Variants in SSC5D observed in about 807,000 individuals in gnomAD.
The protein encoded by SSC5D is scavenger receptor cysteine rich family member with 5 domains, also known as soluble scavenger receptor cysteine-rich domain-containing protein SSC5D.
SSC5D carries 106 observed loss-of-function variants against 104.6 expected under a neutral mutation model. The ratio of observed to expected loss-of-function variants is 1.01; its 90% confidence interval spans 0.87 to 1.19. The LOEUF is 1.19. SSC5D is among the 50% of genes most tolerant of loss of function. The probability of loss-of-function intolerance (pLI) is 0.00; values close to 1 mark genes in which losing one functional copy is unlikely to be tolerated. For synonymous variants in SSC5D, 860 were observed against 883.5 expected (o/e 0.97, Z 0.47); for missense variants, 1,993 against 2,153.8 (o/e 0.93, Z 1.48).
chr19:55,491,379 A>C (rs1176912585), intron 6 of SSC5D: 1 of 385,416 alleles, frequency 2.6e-6, no homozygotes, highest in Non-Finnish European at 4.7e-6. Flanking sequence ...GATGGAGCTA[A>C]GAATGCCTGC....
chr19:55,504,995 A>T (rs1441035767), intron 12 of SSC5D, among the ~76,000 whole-genome samples: 2 of 148,340 alleles, frequency 1.3e-5, no homozygotes, highest in African/African-American at 5.3e-5. Flanking sequence ...ACCTGTTTTA[A>T]GTGATTTCAC....
At chr19:55,517,141 GCTC>G (rs1295440297) in intron 13 of SSC5D, 80 bp from the exon 14 acceptor site, 9 of 1,299,816 alleles carry the variant, frequency 6.9e-6, no homozygotes, top group Non-Finnish European at 9.4e-6. Flanking sequence ...CCATTGGTCG[GCTC>G]CTCGAGGGGC....
At chr19:55,512,365 C>CA (rs374519949) in intron 12 of SSC5D, among the ~76,000 whole-genome samples, 3,493 of 132,716 alleles carry the variant, frequency 0.026, 191 homozygotes, top group African/African-American at 0.09. Context: ...TGCATTTGGC[C>CA]AAAAAAAAAA....
chr19:55,502,961 G>A (rs1234076202), intron 12 of SSC5D, among the ~76,000 whole-genome samples: 4 of 152,116 alleles, frequency 2.6e-5, no homozygotes, highest in South Asian at 2.1e-4. Flanking sequence ...GATTACAGGC[G>A]TGTGCCACCA....
Position 55,517,951 on chromosome 19 carries a change from C to T in SSC5D, c.3675C>T (p.Phe1225=), listed in dbSNP as rs763784504. ...IPDPTTTPQP[F]TTMQPTTTPH... is the part of the protein sequence containing the mutation. ...ACCCCACCACAACCCCTCAACCCTT[C>T]ACCACCATGCAGCCCACCACAACCC... Residue 1225 remains phenylalanine, a synonymous_variant, in exon 14 of 14, where the codon TTC becomes TTT. Transcript: ENST00000389623. 3 of 1,532,246 alleles carry T rather than the reference C, an allele frequency of 2.0e-6. No individual in the cohort carries two copies. The highest frequency in any genetic ancestry group is 5.0e-5 in the East Asian group (2 of 40,122). The allele number at this position is 1,532,246 out of a possible 1,614,324, so 94.9% of individuals were successfully genotyped here. A position where few individuals can be genotyped will look rare whatever the true frequency, so the allele number is the denominator to read the frequency against.
chr19:55,507,652 C>CGA (rs1987665196), intron 12 of SSC5D, among the ~76,000 whole-genome samples: 1 of 114,750 alleles, frequency 8.7e-6, no homozygotes, highest in Non-Finnish European at 1.6e-5. Flanking sequence ...GGTGACAGAG[C>CGA]GAGACTCCGT....
intron 12 of SSC5D, among the ~76,000 whole-genome samples, chr19:55,511,032 G>A (rs1987745851): frequency 6.6e-6 from 1 of 152,166 alleles, no homozygotes; most frequent in African/African-American, 2.4e-5. Flanking sequence ...GCCTGCCTCG[G>A]CCTCTCAAAG....
At chr19:55,492,571 T>C (rs918052286) in intron 6 of SSC5D, 4 of 152,066 alleles carry the variant, frequency 2.6e-5, no homozygotes, top group African/African-American at 7.2e-5. Flanking sequence ...TCCCCTCCCC[T>C]GTCTGCAGAT....
intron 8 of SSC5D, among the ~76,000 whole-genome samples, chr19:55,494,993 C>T (rs1028015318): frequency 6.6e-6 from 1 of 151,718 alleles, no homozygotes; most frequent in South Asian, 2.1e-4. Flanking sequence ...TCCTAACTTT[C>T]GTCATTTACC....
intron 6 of SSC5D, chr19:55,492,320 GGAGT>G (rs1410220268): frequency 6.6e-6 from 1 of 152,392 alleles, no homozygotes; most frequent in Non-Finnish European, 1.5e-5. Flanking sequence ...GGTCAGAGTG[GGAGT>G]GAGCAGCAGA....
At chr19:55,508,135 C>T (rs568341927) in intron 12 of SSC5D, among the ~76,000 whole-genome samples, 6 of 152,130 alleles carry the variant, frequency 3.9e-5, no homozygotes, top group Admixed American at 1.3e-4. Context: ...GTCCAGGGAG[C>T]GCCTGGGCTG....
rs1372901475 is a variant in SSC5D, at chr19:55,500,122, A to G, written c.2012A>G (p.Glu671Gly). ...CAGACCACTGCAGCACTGACCACTGAGGCCTCCCGAAGACCTACCTCTGAG... is the reference window on the plus strand; with the variant it reads ...CAGACCACTGCAGCACTGACCACTGGGGCCTCCCGAAGACCTACCTCTGAG... ...TSQTTAALTT[E>G]ASRRPTSEFT... The change falls in exon 10 of 14, where the codon GAG becomes GGG. Residue 671 changes from glutamate (E) to glycine (G), a missense_variant. By Grantham distance (98) the Glu-to-Gly change is moderately conservative (BLOSUM62 -2). Coordinates refer to ENST00000389623, the MANE Select transcript of SSC5D (RefSeq NM_001144950.2). The surrounding 1 kb of genome is among the most constrained non-coding windows in gnomAD (Gnocchi z 4.6). 1.0e-5 allele frequency: 16 copies of G among 1,551,406 alleles called. No individual in the cohort carries two copies. The highest frequency in any genetic ancestry group is 1.4e-5 in the African/African-American group (1 of 73,034).
chr19:55,495,896 T>C (rs1987314056), intron 8 of SSC5D, among the ~76,000 whole-genome samples: 1 of 141,560 alleles, frequency 7.1e-6, no homozygotes, highest in African/African-American at 2.6e-5. Context: ...CCACCGAGCC[T>C]GGCTATTTTT....
chr19:55,489,517 C>A lies in SSC5D; in HGVS notation c.216C>A (p.Gly72=). ...GAGGGGCACTGGCCGCCCCGGGAGG[C>A]GCCTTCTTCGGGGAGGGGGCAGGGC... ...GCGGALAAPG[G]AFFGEGAGPV... The change falls in exon 3 of 14, where the codon GGC becomes GGA. Residue 72 remains glycine (G), a synonymous_variant. Transcript: ENST00000389623. The A allele has an allele frequency of 6.8e-7, 1 of 1,466,024 alleles. No homozygotes were observed. The allele number at this position is 1,466,024 out of a possible 1,614,324, so 90.8% of individuals were successfully genotyped here. A position where few individuals can be genotyped will look rare whatever the true frequency, so the allele number is the denominator to read the frequency against.
At chr19:55,507,490 T>C (rs1201205182) in intron 12 of SSC5D, among the ~76,000 whole-genome samples, 2 of 148,746 alleles carry the variant, frequency 1.3e-5, no homozygotes, top group Non-Finnish European at 3.0e-5. Context: ...CATGGTGAAA[T>C]CCCGTCTCTA....
At chr19:55,491,300 A>G (rs1987137383) in intron 6 of SSC5D, 2 of 598,144 alleles carry the variant, frequency 3.3e-6, no homozygotes, top group Non-Finnish European at 5.8e-6. Flanking sequence ...GGCTTGGGCT[A>G]GTGCTCAGCC....
chr19:55,504,993 T>TTTTTTTTTTTTTGAG (rs1568481926), intron 12 of SSC5D, among the ~76,000 whole-genome samples: 1 of 151,940 alleles, frequency 6.6e-6, no homozygotes, highest in African/African-American at 2.4e-5. Flanking sequence ...TAACCTGTTT[T>TTTTTTTTTTTTTGAG]AAGTGATTTC....
intron 8 of SSC5D, among the ~76,000 whole-genome samples, chr19:55,495,936 CCTCA>C (rs1420537305): frequency 1.5e-5 from 2 of 134,004 alleles, no homozygotes; most frequent in Admixed American, 8.4e-5. Context: ...AGAGACAGGG[CCTCA>C]CTATTGTCCA....
intron 13 of SSC5D, 105 bp from the exon 14 acceptor site, chr19:55,517,119 C>A: frequency 9.4e-7 from 1 of 1,068,828 alleles, no homozygotes; most frequent in South Asian, 1.6e-5. Flanking sequence ...CGTCTCGAGG[C>A]TCTGTGCCTT....
Sources: gnomAD v4.1 joint callset for allele counts (sites outside exome capture counted in the v4.1 genomes callset) on GRCh38, gnomAD v4.1.1 for gene constraint, Gnocchi (gnomAD v3.1) non-coding constraint, MANE v1.5 for transcripts, NCBI Gene and HGNC (gene_info 2026-07-23, HGNC 2026-07-21) for gene names.